YY1AP1: variants seen among roughly 807,000 people sequenced by gnomAD.
YY1AP1 encodes YY1-associated protein 1.
A neutral mutation model predicts 39.9 loss-of-function variants in YY1AP1; 43 were observed. That is an observed-to-expected ratio of 1.08 (90% CI 0.84 to 1.39). The LOEUF (loss-of-function observed/expected upper bound fraction) is 1.39, where lower values mean the gene tolerates loss of function less well. Among genes scored for constraint, YY1AP1 ranks in the 40% most tolerant of loss-of-function variants. YY1AP1 has a pLI of 0.00. For missense variants in YY1AP1, 813 were observed against 900.7 expected (o/e 0.90, Z 1.25); for synonymous variants, 292 against 331.3 (o/e 0.88, Z 1.29).
At chr1:155,669,085 G>A (rs1318086502) in intron 8 of YY1AP1, among the ~76,000 whole-genome samples, 1 of 152,114 alleles carries the variant, frequency 6.6e-6, no homozygotes, top group Non-Finnish European at 1.5e-5. Flanking sequence ...CCAGGCTGGA[G>A]AGCAGTGGCA....
At chr1:155,680,111 G>A (rs781592694) in intron 3 of YY1AP1, 1 of 265,676 alleles carries the variant, frequency 3.8e-6, no homozygotes, top group Non-Finnish European at 7.2e-6. Context: ...CCTGGAGGTC[G>A]AGGCTGCTGT....
At chr1:155,688,280 G>T (rs544283867) in intron 1 of YY1AP1, 79 bp from the exon 2 acceptor site, 18 of 1,588,922 alleles carry the variant, frequency 1.1e-5, no homozygotes, top group Non-Finnish European at 1.5e-5. Context: ...TCCCGCAACC[G>T]ACACTGGGAT....
At chr1:155,674,068 A>G (rs916734343) in intron 6 of YY1AP1, among the ~76,000 whole-genome samples, 4 of 150,022 alleles carry the variant, frequency 2.7e-5, no homozygotes, top group African/African-American at 7.4e-5. Flanking sequence ...GGCTGAGGCA[A>G]GAGAATGGCG....
chr1:155,678,716 G>A (rs775750911), intron 4 of YY1AP1, among the ~76,000 whole-genome samples: 2 of 152,136 alleles, frequency 1.3e-5, no homozygotes, highest in Non-Finnish European at 2.9e-5. Flanking sequence ...TGGAACCCAA[G>A]CTCTCTGCTT....
At chr1:155,685,965 A>G (rs1245925535) in intron 2 of YY1AP1, among the ~76,000 whole-genome samples, 1 of 151,038 alleles carries the variant, frequency 6.6e-6, no homozygotes, top group Non-Finnish European at 1.5e-5. Context: ...GGCTTAGTTC[A>G]TGCATTCTTA....
At chr1:155,687,984 G>C in intron 2 of YY1AP1, 87 bp downstream of exon 2, 2 of 1,413,488 alleles carry the variant, frequency 1.4e-6, no homozygotes, top group Non-Finnish European at 1.9e-6. Flanking sequence ...CCAGGTCCGG[G>C]AGATGACAGT....
In YY1AP1 at chr1:155,675,086, A is replaced by G; in HGVS notation, c.335T>C (p.Leu112Pro). The change falls in exon 6 of 11, where the codon CTC (leucine) becomes CCC (proline). Residue 112 changes from leucine to proline, a missense_variant. Physicochemically the swap from Leu to Pro is moderately conservative, Grantham distance 98. Transcript: ENST00000355499. ...LQQQMQQHVQ[L>P]LTQIHLLATC... ...GGCAAGAAGGTGGATTTGTGTCAAG[A>G]GCTGAACATGCTGGGGAGAGAAAGA... 6.2e-7 allele frequency: 1 copy of G among 1,613,578 alleles called. No individual in the cohort carries two copies. Among genetic ancestry groups the G allele is most frequent in the South Asian group, 1.1e-5 (1 of 91,066 alleles).
intron 2 of YY1AP1, among the ~76,000 whole-genome samples, chr1:155,686,077 C>G (rs534418811): frequency 7.1e-6 from 1 of 140,312 alleles, no homozygotes; most frequent in African/African-American, 2.7e-5. Context: ...CTCTGTGGCC[C>G]AGGCTGGAGT....
At chr1:155,679,139 C>A in intron 4 of YY1AP1, 2 of 1,388,260 alleles carry the variant, frequency 1.4e-6, no homozygotes, top group South Asian at 1.3e-5. Context: ...GTCCTACATA[C>A]CTCTCCAGCA....
Position 155,660,790 on chromosome 1 carries a change from A to G in YY1AP1, c.1120T>C (p.Leu374=). Residue 374 remains leucine, a synonymous_variant, in exon 11 of 11, where the codon TTG becomes CTG. Transcript: ENST00000355499. ...DQGLEKDNSE[L]GSETRYPLLL... Reference sequence around the variant, plus strand: ...AGTGGGTACCGAGTTTCACTCCCCAACTCTGAGTTGTCTTTTTCTAGGCCT... The same window carrying G: ...AGTGGGTACCGAGTTTCACTCCCCAGCTCTGAGTTGTCTTTTTCTAGGCCT... The G allele has an allele frequency of 6.2e-7, 1 of 1,613,524 alleles. No homozygotes were observed. The highest frequency in any genetic ancestry group is 8.5e-7 in the Non-Finnish European group (1 of 1,179,872).
At chr1:155,671,464 T>C (rs1249260545) in intron 7 of YY1AP1, among the ~76,000 whole-genome samples, 1 of 152,016 alleles carries the variant, frequency 6.6e-6, no homozygotes, top group East Asian at 1.9e-4. Flanking sequence ...TTCCAACTTC[T>C]TTAATCTCCC....
At chr1:155,667,953 A>AC (rs1649283268) in intron 9 of YY1AP1, among the ~76,000 whole-genome samples, 10 of 144,852 alleles carry the variant, frequency 6.9e-5, no homozygotes, top group African/African-American at 2.4e-4. Flanking sequence ...GACACACACA[A>AC]ACACACACAC....
intron 8 of YY1AP1, among the ~76,000 whole-genome samples, chr1:155,669,463 T>G (rs1456098315): frequency 1.3e-5 from 2 of 152,106 alleles, no homozygotes; most frequent in Non-Finnish European, 2.9e-5. Flanking sequence ...TAGTTCACAA[T>G]TAAGTAGGAG....
At chr1:155,668,803 T>C (rs371336838) in intron 8 of YY1AP1, 26 bp from the exon 9 acceptor site, 5 of 1,613,898 alleles carry the variant, frequency 3.1e-6, no homozygotes, top group Non-Finnish European at 4.2e-6. Flanking sequence ...TAACACTAAA[T>C]CTCACTTCAC....
At chr1:155,681,604 C>A (rs1338641317) in intron 2 of YY1AP1, among the ~76,000 whole-genome samples, 2 of 140,278 alleles carry the variant, frequency 1.4e-5, no homozygotes, top group Non-Finnish European at 2.9e-5. Flanking sequence ...AAAAAAGAGA[C>A]AGACAGAGAC....
chr1:155,662,098 G>A (rs1340455990), intron 9 of YY1AP1, among the ~76,000 whole-genome samples: 4 of 151,900 alleles, frequency 2.6e-5, no homozygotes, highest in African/African-American at 4.8e-5. Context: ...AGACAGCATC[G>A]TAATCTATAA....
Position 155,688,154 on chromosome 1 carries a change from AC to A in YY1AP1, c.-105del, listed in dbSNP as rs759305003. The A allele has an allele frequency of 3.1e-5, 50 of 1,613,656 alleles. No homozygotes were observed. Among genetic ancestry groups the A allele is most frequent in the Non-Finnish European group, 4.2e-5 (50 of 1,179,886 alleles). On this transcript the variant is annotated 5_prime_UTR_variant, in exon 2 of 11. Coordinates refer to ENST00000355499, the MANE Select transcript of YY1AP1 (RefSeq NM_139119.3). ...CAGGCTCCTCCGCTTCCCTGGGTCC[AC>A]CGCGGATCCCTCCCGCTTGTCAGGA...
At chr1:155,663,568 AATTAGCAGGG>A (rs1648497455) in intron 9 of YY1AP1, among the ~76,000 whole-genome samples, 2 of 151,432 alleles carry the variant, frequency 1.3e-5, no homozygotes, top group Admixed American at 6.6e-5. Flanking sequence ...AAAATACAAA[AATTAGCAGGG>A]TGTGGTGGTG....
At chr1:155,685,814 G>A (rs748816470) in intron 2 of YY1AP1, among the ~76,000 whole-genome samples, 15 of 151,934 alleles carry the variant, frequency 9.9e-5, no homozygotes, top group South Asian at 2.1e-4. Context: ...ATGTGATTGC[G>A]CTTATGCTCA....
Sources: gnomAD v4.1 joint callset for allele counts (sites outside exome capture counted in the v4.1 genomes callset) on GRCh38, gnomAD v4.1.1 for gene constraint, MANE v1.5 for transcripts, NCBI Gene and HGNC (gene_info 2026-07-23, HGNC 2026-07-21) for gene names.